SLC9C1: variants seen among roughly 807,000 people sequenced by gnomAD.
The protein encoded by SLC9C1 is solute carrier family 9 member C1.
In SLC9C1, 97 loss-of-function variants were observed where a neutral mutation model predicts 140.9. The ratio of observed to expected loss-of-function variants is 0.69; its 90% confidence interval spans 0.58 to 0.82. The LOEUF (loss-of-function observed/expected upper bound fraction) is 0.82. SLC9C1 is among the 40% of genes least tolerant of loss of function. The pLI, the probability that SLC9C1 is intolerant of heterozygous loss-of-function variation, is 0.00. For missense variants in SLC9C1, 1,340 were observed against 1,389.3 expected, an observed-to-expected ratio of 0.96 and a Z score of 0.56; for synonymous variants, 440 against 442.6, an observed-to-expected ratio of 0.99 and a Z score of 0.07.
intron 26 of SLC9C1, among the ~76,000 whole-genome samples, chr3:112,155,996 T>C (rs1350832514): frequency 6.6e-6 from 1 of 151,916 alleles, no homozygotes; most frequent in Non-Finnish European, 1.5e-5. Context: ...ACATTTATCT[T>C]TTTTTTTGTG....
intron 1 of SLC9C1, among the ~76,000 whole-genome samples, chr3:112,287,967 G>C (rs577973492): frequency 2.0e-5 from 3 of 150,554 alleles, no homozygotes; most frequent in Non-Finnish European, 4.4e-5. Context: ...GGCGTGAACC[G>C]GGGAGGCGGA....
chr3:112,278,927 T>C (rs1576513191), intron 3 of SLC9C1, 70 bp from the exon 4 acceptor site: 2 of 1,477,864 alleles, frequency 1.4e-6, no homozygotes, highest in South Asian at 1.3e-5. Context: ...TGCTAGGTGC[T>C]CCTAAATCTA....
At chr3:112,189,669 T>A (rs2077611171) in intron 20 of SLC9C1, among the ~76,000 whole-genome samples, 1 of 152,250 alleles carries the variant, frequency 6.6e-6, no homozygotes, top group Admixed American at 6.5e-5. Context: ...GGTAGCATGA[T>A]GCCTCCAGCT....
At chr3:112,220,610 G>T (rs891402363) in intron 14 of SLC9C1, among the ~76,000 whole-genome samples, 2 of 152,204 alleles carry the variant, frequency 1.3e-5, no homozygotes, top group Non-Finnish European at 2.9e-5. Flanking sequence ...CACAGGGGAT[G>T]ATCTGAGGGT....
rs145799760 is a variant in SLC9C1, at chr3:112,170,809, T to C, written c.2920-1481A>G. 2.3e-3 allele frequency among the ~76,000 whole-genome samples: 347 copies of C among 152,340 alleles called. 5 individuals carry two copies. The highest frequency in any genetic ancestry group is 0.015 in the Admixed American group (233 of 15,302). Reference sequence around the variant, plus strand: ...TTTTTTGTGTGTAGTATAGGACATGTATATTTAACTTTTGTAAGCAACTGA... The same window carrying C: ...TTTTTTGTGTGTAGTATAGGACATGCATATTTAACTTTTGTAAGCAACTGA... On this transcript the variant is annotated intron_variant, in intron 23 of 28. Transcript: ENST00000305815.
At chr3:112,179,436 A>C (rs1490582927) in intron 23 of SLC9C1, 95 bp downstream of exon 23, 2 of 1,352,714 alleles carry the variant, frequency 1.5e-6, no homozygotes, top group Non-Finnish European at 2.0e-6. Context: ...TAAATTGTCA[A>C]CTAGACTGTA....
At chr3:112,275,047 G>A (rs762685314) in intron 5 of SLC9C1, 22 bp from the exon 6 acceptor site, 1 of 1,536,216 alleles carries the variant, frequency 6.5e-7, no homozygotes, top group Non-Finnish European at 8.7e-7. Context: ...GAGGGGGAAA[G>A]ATGTTTTTTA....
chr3:112,251,953 C>A (rs763180469), intron 10 of SLC9C1, among the ~76,000 whole-genome samples: 15 of 152,168 alleles, frequency 9.9e-5, no homozygotes, highest in Non-Finnish European at 1.9e-4. Context: ...CAAATTGCTG[C>A]CACTTTTGCT....
chr3:112,142,718 A>C (rs2074668142), intron 28 of SLC9C1, among the ~76,000 whole-genome samples: 1 of 152,022 alleles, frequency 6.6e-6, no homozygotes, highest in South Asian at 2.1e-4. Flanking sequence ...GGCAATAATA[A>C]AAAAAAATCC....
At chr3:112,242,177 A>C (rs1485287456) in intron 11 of SLC9C1, among the ~76,000 whole-genome samples, 1 of 152,234 alleles carries the variant, frequency 6.6e-6, no homozygotes, top group Non-Finnish European at 1.5e-5. Context: ...AAATGGGAGA[A>C]TAGATTAGCA....
chr3:112,208,469 G>C, intron 15 of SLC9C1, 96 bp from the exon 16 acceptor site: 1 of 816,418 alleles, frequency 1.2e-6, no homozygotes, highest in South Asian at 2.6e-5. Context: ...CAGCTGCAGA[G>C]CCTTCTTTAA....
intron 12 of SLC9C1, among the ~76,000 whole-genome samples, chr3:112,235,680 G>T (rs1354564630): frequency 6.6e-6 from 1 of 152,160 alleles, no homozygotes; most frequent in Non-Finnish European, 1.5e-5. Context: ...TAGCATGAAG[G>T]GCTGTTGCAT....
At chr3:112,144,911 T>A (rs956054283) in intron 28 of SLC9C1, among the ~76,000 whole-genome samples, 8 of 152,218 alleles carry the variant, frequency 5.3e-5, no homozygotes, top group African/African-American at 1.9e-4. Flanking sequence ...TGACTTCTTT[T>A]TCTTTTTTGG....
At chr3:112,251,230 AG>A (rs2079448241) in intron 10 of SLC9C1, among the ~76,000 whole-genome samples, 1 of 152,034 alleles carries the variant, frequency 6.6e-6, no homozygotes, top group Non-Finnish European at 1.5e-5. Flanking sequence ...ACAGAGAACA[AG>A]GAAAATCAAG....
At chr3:112,215,519 T>TA (rs1553795192) in intron 15 of SLC9C1, among the ~76,000 whole-genome samples, 4 of 152,016 alleles carry the variant, frequency 2.6e-5, no homozygotes, top group Admixed American at 2.0e-4. Context: ...AGTCCCAGGA[T>TA]AAAAAATCAA....
chr3:112,277,559 G>A lies in SLC9C1; in HGVS notation c.484+136C>T, dbSNP rs1348115165. 3.4e-5 allele frequency: 24 copies of A among 700,984 alleles called. No individual in the cohort carries two copies. The Admixed American group carries it at 8.7e-4, about 25-fold the overall frequency. 43.4% of individuals were successfully genotyped at this position (700,984 alleles called of 1,614,324 possible). ...CCTAAGCATGACCTCCAGAATCTCTGCTTAATCCTCAACCCCCAATCCCTC... is the reference window on the plus strand; with the variant it reads ...CCTAAGCATGACCTCCAGAATCTCTACTTAATCCTCAACCCCCAATCCCTC... On this transcript the variant is annotated intron_variant, in intron 5 of 28. Transcript: ENST00000305815.
At chr3:112,283,357 C>T (rs1405494145) in intron 2 of SLC9C1, among the ~76,000 whole-genome samples, 1 of 151,852 alleles carries the variant, frequency 6.6e-6, no homozygotes, top group African/African-American at 2.4e-5. Flanking sequence ...GTTGTGTGTG[C>T]CTGTGGTCCT....
At position 112,202,271 on chromosome 3, in the gene SLC9C1, T is replaced by C. The variant is rs545745389; in HGVS notation, c.2301A>G (p.Thr767=). Residue 767 remains threonine, a synonymous_variant, in exon 18 of 29, where the codon ACA becomes ACG. Coordinates refer to ENST00000305815, the MANE Select transcript of SLC9C1 (RefSeq NM_183061.3). ...ADIMTIIDQI[T]SSKQIKQMLL... is the part of the protein sequence containing the mutation. ...TTACCTGTTTAATCTGTTTAGAACT[T>C]GTAATCTGATCAATTATGGTCATTA... 6.8e-6 allele frequency: 11 copies of C among 1,611,078 alleles called. No homozygotes were observed. The Admixed American group carries it at 1.3e-4, about 20-fold the overall frequency.
chr3:112,172,742 T>A (rs1560028494), intron 23 of SLC9C1, among the ~76,000 whole-genome samples: 1 of 152,132 alleles, frequency 6.6e-6, no homozygotes, highest in Non-Finnish European at 1.5e-5. Context: ...GGAGATTTTT[T>A]AAAAGAATGT....
Sources: gnomAD v4.1 joint callset for allele counts (sites outside exome capture counted in the v4.1 genomes callset) on GRCh38, gnomAD v4.1.1 for gene constraint, MANE v1.5 for transcripts, NCBI Gene and HGNC (gene_info 2026-07-23, HGNC 2026-07-21) for gene names.